SMAD1: variants seen among roughly 807,000 people sequenced by gnomAD.
SMAD1 encodes SMAD family member 1.
Under a neutral mutation model 41.6 loss-of-function variants are expected in SMAD1, and 6 were observed. The observed-to-expected ratio is 0.14, with a 90% CI of 0.08 to 0.28. The LOEUF (loss-of-function observed/expected upper bound fraction) is 0.28, where lower values mean the gene tolerates loss of function less well. SMAD1 is among the 10% of genes least tolerant of loss of function. The pLI, the probability that SMAD1 is intolerant of heterozygous loss-of-function variation, is 1.00. For synonymous variants in SMAD1, 206 were observed against 203.2 expected (o/e 1.01, Z -0.12); for missense variants, 379 against 582.6 (o/e 0.65, Z 3.60).
At chr4:145,524,461 A>T (rs184197084) in intron 2 of SMAD1, among the ~76,000 whole-genome samples, 1 of 152,264 alleles carries the variant, frequency 6.6e-6, no homozygotes, top group African/African-American at 2.4e-5. Flanking sequence ...ATAAGTTGTT[A>T]TACATCGATG....
At chr4:145,524,125 G>C (rs1730903823) in intron 2 of SMAD1, among the ~76,000 whole-genome samples, 1 of 152,168 alleles carries the variant, frequency 6.6e-6, no homozygotes, top group Non-Finnish European at 1.5e-5. Flanking sequence ...ACACAGCCTA[G>C]TGGACATGGA....
chr4:145,553,611 G>A (rs1191150850), intron 5 of SMAD1, among the ~76,000 whole-genome samples, 173 bp from the exon 6 acceptor site: 1 of 152,094 alleles, frequency 6.6e-6, no homozygotes, highest in Non-Finnish European at 1.5e-5. Flanking sequence ...GACTGATACT[G>A]GTCCATGGCC....
chr4:145,554,151 A>G (rs1482764846), intron 6 of SMAD1, 111 bp downstream of exon 6: 1 of 977,442 alleles, frequency 1.0e-6, no homozygotes, highest in South Asian at 1.7e-5. Flanking sequence ...ATATTATCAT[A>G]TTAGCTGACT....
At chr4:145,554,877 T>C (rs1732754514) in intron 6 of SMAD1, among the ~76,000 whole-genome samples, 1 of 152,220 alleles carries the variant, frequency 6.6e-6, no homozygotes, top group Admixed American at 6.5e-5. Context: ...GAGGCAATTA[T>C]CTTTTATGTC....
chr4:145,523,910 G>GT (rs1730891557), intron 2 of SMAD1, among the ~76,000 whole-genome samples: 2 of 151,982 alleles, frequency 1.3e-5, no homozygotes, highest in South Asian at 4.2e-4. Flanking sequence ...GTTTTGGTTT[G>GT]TTTTTTTGAG....
intron 2 of SMAD1, among the ~76,000 whole-genome samples, chr4:145,520,617 C>G (rs192377362): frequency 1.9e-4 from 29 of 152,236 alleles, no homozygotes; most frequent in Non-Finnish European, 3.7e-4. Context: ...TTGCTCTTTC[C>G]AGAGTTTTCC....
intron 1 of SMAD1, among the ~76,000 whole-genome samples, chr4:145,494,022 C>A (rs1163102809): frequency 6.6e-6 from 1 of 152,166 alleles, no homozygotes; most frequent in African/African-American, 2.4e-5. Context: ...AGTGCAGTGG[C>A]GTGATCTTGG....
intron 1 of SMAD1, among the ~76,000 whole-genome samples, chr4:145,506,911 TAATATTAAGG>T (rs1729818110): frequency 1.3e-5 from 2 of 152,284 alleles, no homozygotes; most frequent in East Asian, 3.9e-4. Context: ...TTTTTTCTTT[TAATATTAAGG>T]AATAACACAT....
At chr4:145,554,307 T>C (rs1732721127) in intron 6 of SMAD1, among the ~76,000 whole-genome samples, 1 of 152,182 alleles carries the variant, frequency 6.6e-6, no homozygotes, top group African/African-American at 2.4e-5. Context: ...TTAGCTATTG[T>C]ATTACCAGTA....
chr4:145,487,348 A>G (rs1171865195), intron 1 of SMAD1, among the ~76,000 whole-genome samples: 1 of 152,190 alleles, frequency 6.6e-6, no homozygotes, highest in South Asian at 2.1e-4. Flanking sequence ...GATAATTTAA[A>G]TATAAAAAAG....
chr4:145,508,889 T>C (rs80281893), intron 1 of SMAD1, among the ~76,000 whole-genome samples: 1,783 of 152,242 alleles, frequency 0.012, 32 homozygotes, highest in African/African-American at 0.039. Flanking sequence ...ACTAATTCCA[T>C]TTATGGGAGC....
At chr4:145,551,411 A>G (rs761435700) in intron 5 of SMAD1, among the ~76,000 whole-genome samples, 2 of 152,208 alleles carry the variant, frequency 1.3e-5, no homozygotes, top group Non-Finnish European at 2.9e-5. Context: ...GAGAGGTGGA[A>G]ATTTTTTAAG....
chr4:145,485,328 G>T (rs1226411554), intron 1 of SMAD1, among the ~76,000 whole-genome samples: 2 of 152,106 alleles, frequency 1.3e-5, no homozygotes, highest in Non-Finnish European at 2.9e-5. Flanking sequence ...CTCCCGCCTC[G>T]GCCTCCCAAA....
At chr4:145,527,754 G>A (rs1187339277) in intron 2 of SMAD1, among the ~76,000 whole-genome samples, 1 of 152,084 alleles carries the variant, frequency 6.6e-6, no homozygotes, top group African/African-American at 2.4e-5. Flanking sequence ...GTTTTTGGTA[G>A]TAGAGAATGT....
chr4:145,504,959 C>T (rs1729682010), intron 1 of SMAD1, among the ~76,000 whole-genome samples: 1 of 152,094 alleles, frequency 6.6e-6, no homozygotes, highest in Non-Finnish European at 1.5e-5. Flanking sequence ...GTTTTTCCAA[C>T]CTTTGTGTTT....
At chr4:145,521,173 AG>A (rs1410544764) in intron 2 of SMAD1, among the ~76,000 whole-genome samples, 1 of 152,210 alleles carries the variant, frequency 6.6e-6, no homozygotes, top group African/African-American at 2.4e-5. Context: ...GCTACTTATT[AG>A]TGGTTGAATT....
chr4:145,503,248 T>A (rs1729565363), intron 1 of SMAD1, among the ~76,000 whole-genome samples: 1 of 152,086 alleles, frequency 6.6e-6, no homozygotes, highest in Admixed American at 6.5e-5. Flanking sequence ...ATGGTAGGAC[T>A]CTCCTGCTGC....
chr4:145,503,689 C>A (rs560302618), intron 1 of SMAD1, among the ~76,000 whole-genome samples: 3 of 152,174 alleles, frequency 2.0e-5, no homozygotes, highest in Non-Finnish European at 4.4e-5. Flanking sequence ...TTCCTTATAA[C>A]GTTGATGAGA....
intron 2 of SMAD1, among the ~76,000 whole-genome samples, chr4:145,537,098 T>C (rs892460529): frequency 6.6e-6 from 1 of 152,092 alleles, no homozygotes; most frequent in Non-Finnish European, 1.5e-5. Context: ...TAAAGAAATA[T>C]GACAACGAAG....
Sources: gnomAD v4.1 joint callset for allele counts (sites outside exome capture counted in the v4.1 genomes callset) on GRCh38, gnomAD v4.1.1 for gene constraint, MANE v1.5 for transcripts, NCBI Gene and HGNC (gene_info 2026-07-23, HGNC 2026-07-21) for gene names.